The following KIAA2012 variants were observed in gnomAD, a reference collection of about 807,000 sequenced individuals.
KIAA2012 encodes KIAA2012.
KIAA2012 carries 125 observed loss-of-function variants against 150.6 expected under a neutral mutation model. That is an observed-to-expected ratio of 0.83 (90% CI 0.72 to 0.96). KIAA2012 has a LOEUF of 0.96. Among genes scored for constraint, KIAA2012 ranks in the 40% least tolerant of loss-of-function variants. KIAA2012 has a pLI of 0.00. For missense variants in KIAA2012, 1,219 were observed against 1,354.9 expected (o/e 0.90, Z 1.57); for synonymous variants, 462 against 504.7 (o/e 0.92, Z 1.13).
chr2:202,090,823 G>A lies in KIAA2012; in HGVS notation c.423G>A (p.Glu141=). 5 of 1,550,624 alleles carry A rather than the reference G, an allele frequency of 3.2e-6. No individual in the cohort carries two copies. The highest frequency in any genetic ancestry group is 4.4e-6 in the Non-Finnish European group (5 of 1,146,990). Residue 141 remains glutamate, a synonymous_variant, in exon 3 of 24, where the codon GAG becomes GAA. Coordinates refer to ENST00000498697, the MANE Select transcript of KIAA2012 (RefSeq NM_001277372.4). ...ACCTCCACTTCCGAAGCCAGCTGGA[G>A]AGCCAGGCCCAACGGCAGATCCAGC... ...QPYLHFRSQL[E]SQAQRQIQPG... is the part of the protein sequence containing the mutation.
chr2:202,187,381 T>C (rs1288675730), intron 17 of KIAA2012, among the ~76,000 whole-genome samples: 1 of 152,138 alleles, frequency 6.6e-6, no homozygotes, highest in African/African-American at 2.4e-5. Context: ...CTCGGCTTAC[T>C]GCAACATCCG....
intron 14 of KIAA2012, among the ~76,000 whole-genome samples, chr2:202,159,997 G>T (rs187264908): frequency 1.6e-4 from 25 of 152,322 alleles, no homozygotes; most frequent in African/African-American, 5.3e-4. Flanking sequence ...CTAAGGGCCA[G>T]GCCCCTCACA....
At chr2:202,141,214 G>T (rs908459625) in intron 13 of KIAA2012, among the ~76,000 whole-genome samples, 1 of 152,108 alleles carries the variant, frequency 6.6e-6, no homozygotes, top group Admixed American at 6.6e-5. Flanking sequence ...AAACGGTTAG[G>T]CTCCTTCCTC....
At chr2:202,126,144 G>A (rs777923851) in intron 12 of KIAA2012, among the ~76,000 whole-genome samples, 6 of 151,558 alleles carry the variant, frequency 4.0e-5, no homozygotes, top group African/African-American at 9.7e-5. Flanking sequence ...TAGTAGAGAC[G>A]GGGCTTCACC....
At chr2:202,165,246 A>T (rs1691731910) in intron 14 of KIAA2012, 38 bp from the exon 15 acceptor site, 1 of 1,528,134 alleles carries the variant, frequency 6.5e-7, no homozygotes. Context: ...TGCATTTATT[A>T]TGTCTAATGT....
At chr2:202,195,483 T>C (rs531064391) in intron 21 of KIAA2012, among the ~76,000 whole-genome samples, 1 of 151,396 alleles carries the variant, frequency 6.6e-6, no homozygotes, top group African/African-American at 2.4e-5. Context: ...ATAGTGCCAC[T>C]GCACTCCAAC....
intron 11 of KIAA2012, among the ~76,000 whole-genome samples, chr2:202,123,155 C>G (rs768993207): frequency 2.0e-5 from 3 of 152,178 alleles, no homozygotes; most frequent in Non-Finnish European, 4.4e-5. Flanking sequence ...GAGCAAACTT[C>G]TTGGGAGCTA....
At chr2:202,102,084 G>A (rs1036874624) in intron 7 of KIAA2012, among the ~76,000 whole-genome samples, 5 of 151,994 alleles carry the variant, frequency 3.3e-5, no homozygotes, top group African/African-American at 1.2e-4. Flanking sequence ...GTTAAAAGTT[G>A]CAAACTAAAA....
intron 14 of KIAA2012, among the ~76,000 whole-genome samples, chr2:202,156,737 T>A (rs1007367990): frequency 1.3e-4 from 19 of 151,994 alleles, no homozygotes; most frequent in Non-Finnish European, 7.4e-5. Flanking sequence ...TACAAAAAAT[T>A]AGCCGGGTGT....
intron 22 of KIAA2012, among the ~76,000 whole-genome samples, chr2:202,200,325 T>C (rs1347437175): frequency 3.9e-5 from 6 of 152,142 alleles, no homozygotes; most frequent in Admixed American, 2.6e-4. Flanking sequence ...CAAAACAAAT[T>C]TGGGTTAGGT....
chr2:202,121,777 C>T (rs567571632), intron 11 of KIAA2012, among the ~76,000 whole-genome samples: 2 of 152,086 alleles, frequency 1.3e-5, no homozygotes, highest in African/African-American at 2.4e-5. Flanking sequence ...ACCTCAGAGT[C>T]GACGTGGAGA....
At chr2:202,079,550 C>T (rs1477147691) in intron 2 of KIAA2012, among the ~76,000 whole-genome samples, 1 of 152,180 alleles carries the variant, frequency 6.6e-6, no homozygotes, top group Non-Finnish European at 1.5e-5. Context: ...TCTGACAGCA[C>T]ACATGTGGCA....
At chr2:202,113,479 T>TC (rs1363592916) in intron 11 of KIAA2012, 33 bp downstream of exon 11, 3 of 1,474,214 alleles carry the variant, frequency 2.0e-6, no homozygotes, top group Non-Finnish European at 9.1e-7. Flanking sequence ...AGCCTTGTTT[T>TC]TTTTTTTTCA....
At chr2:202,157,541 C>T (rs979096585) in intron 14 of KIAA2012, among the ~76,000 whole-genome samples, 1 of 152,208 alleles carries the variant, frequency 6.6e-6, no homozygotes, top group East Asian at 1.9e-4. Flanking sequence ...GCTAACATTA[C>T]TGAGGACTTA....
chr2:202,187,007 G>A lies in KIAA2012; in HGVS notation c.2285G>A (p.Ser762Asn). The A allele has an allele frequency of 1.3e-6, 2 of 1,550,630 alleles. No homozygotes were observed. Among genetic ancestry groups the A allele is most frequent in the Non-Finnish European group, 1.7e-6 (2 of 1,147,006 alleles). ...GGGCCTGAGTCACCCGAGAGGTTGA[G>A]TGCTGTGTATACATCTCTTCTTCCA... ...GYGPESPERL[S>N]AVYTSLLPRE... The change falls in exon 17 of 24, where the codon AGT becomes AAT. Residue 762 changes from serine (S) to asparagine (N), a missense_variant. Coordinates refer to ENST00000498697, the MANE Select transcript of KIAA2012 (RefSeq NM_001277372.4).
intron 1 of KIAA2012, 37 bp from the exon 2 acceptor site, chr2:202,074,854 A>G (rs1473709262): frequency 5.3e-6 from 8 of 1,512,472 alleles, no homozygotes; most frequent in African/African-American, 1.4e-5. Flanking sequence ...AAGGTCTTCC[A>G]CAGTGGCTCC....
intron 10 of KIAA2012, among the ~76,000 whole-genome samples, chr2:202,110,214 T>C (rs1690310365): frequency 6.6e-6 from 1 of 152,132 alleles, no homozygotes; most frequent in Non-Finnish European, 1.5e-5. Flanking sequence ...GCAGAGCCTG[T>C]TCACAGAGAC....
At chr2:202,149,227 G>C (rs938343852) in intron 13 of KIAA2012, among the ~76,000 whole-genome samples, 1 of 152,174 alleles carries the variant, frequency 6.6e-6, no homozygotes, top group African/African-American at 2.4e-5. Context: ...TCAAAGGACA[G>C]ACTATCAGCC....
chr2:202,136,000 A>C (rs1259478337), intron 12 of KIAA2012: 2 of 330,538 alleles, frequency 6.1e-6, no homozygotes, highest in East Asian at 9.2e-5. Flanking sequence ...ATTTAAAAAA[A>C]AAAAAAATTT....
Sources: allele counts gnomAD v4.1 joint callset (sites outside exome capture counted in the v4.1 genomes callset), GRCh38; gene constraint gnomAD v4.1.1; transcripts MANE v1.5; gene names NCBI Gene and HGNC (gene_info 2026-07-23, HGNC 2026-07-21).